The following NAV1 variants were observed in gnomAD, a reference collection of about 807,000 sequenced individuals.
The protein encoded by NAV1 is neuron navigator 1.
In NAV1, 18 loss-of-function variants were observed where a neutral mutation model predicts 175.2. That is an observed-to-expected ratio of 0.10 (90% confidence interval 0.07 to 0.15). The LOEUF is 0.15. NAV1 is among the 10% of genes least tolerant of loss of function. The probability of loss-of-function intolerance (pLI) is 1.00; values close to 1 mark genes in which losing one functional copy is unlikely to be tolerated. For synonymous variants in NAV1, 897 were observed against 978.7 expected, an observed-to-expected ratio of 0.92 and a Z score of 1.56; for missense variants, 1,731 against 2,436.6, an observed-to-expected ratio of 0.71 and a Z score of 6.10.
upstream of NAV1, among the ~76,000 whole-genome samples, chr1:201,643,904 T>C (rs1277280122): frequency 6.6e-6 from 1 of 152,248 alleles, no homozygotes; most frequent in African/African-American, 2.4e-5. Flanking sequence ...AGCATGCGTC[T>C]CCTTGGCTGT....
chr1:201,746,501 A>T (rs933604495), intron 3 of NAV1, among the ~76,000 whole-genome samples: 2 of 152,238 alleles, frequency 1.3e-5, no homozygotes, highest in Non-Finnish European at 2.9e-5. Flanking sequence ...ACATAACAAA[A>T]GACAACCTAT....
intron 14 of NAV1, chr1:201,794,233 A>G: frequency 1.6e-6 from 1 of 631,504 alleles, no homozygotes; most frequent in South Asian, 1.5e-5. Context: ...CTAACTGCAA[A>G]CTCTGCCTCC....
At chr1:201,550,347 TA>T (rs1427108177) in intron 1 of NAV1, among the ~76,000 whole-genome samples, 2 of 151,996 alleles carry the variant, frequency 1.3e-5, no homozygotes, top group Non-Finnish European at 2.9e-5. Context: ...AATTTTTGTA[TA>T]TTTTGTAGAG....
chr1:201,783,257 T>G, intron 6 of NAV1, 149 bp from the exon 11 acceptor site: 1 of 849,912 alleles, frequency 1.2e-6, no homozygotes, highest in Non-Finnish European at 1.8e-6. Flanking sequence ...TCAGATTTCC[T>G]TGCATTGTAT....
chr1:201,572,723 C>T (rs1469797596), intron 1 of NAV1, among the ~76,000 whole-genome samples: 1 of 152,112 alleles, frequency 6.6e-6, no homozygotes, highest in Non-Finnish European at 1.5e-5. Flanking sequence ...ATAGGAATGA[C>T]TGTCTTATAC....
Position 201,782,634 on chromosome 1 carries a change from G to A in NAV1, c.2122G>A (p.Gly708Arg). 3 of 1,614,136 alleles carry A rather than the reference G, an allele frequency of 1.9e-6. No homozygotes were observed. The highest frequency in any genetic ancestry group is 1.1e-5 in the South Asian group (1 of 91,082). The stretch of plus-strand genomic sequence containing the variant: ...CCCCAGTCTCCTCAGCACCAAGCAG[G>A]GAGGCCTTACGCCTTCCAGACTGAA... The change falls in exon 6 of 30, where the codon GGA becomes AGA. Residue 708 changes from glycine (G) to arginine (R), a missense_variant. Coordinates refer to ENST00000367296, the Ensembl canonical transcript of NAV1. This position sits in a 1 kb window ranked among gnomAD's most constrained non-coding sequence, Gnocchi z 5.4.
At chr1:201,567,056 C>A (rs1339138967) in intron 1 of NAV1, among the ~76,000 whole-genome samples, 1 of 152,016 alleles carries the variant, frequency 6.6e-6, no homozygotes, top group Non-Finnish European at 1.5e-5. Context: ...TGTCCCCTCC[C>A]ACCCCCCATC....
At chr1:201,741,573 C>T (rs1673426027) in intron 3 of NAV1, among the ~76,000 whole-genome samples, 1 of 152,210 alleles carries the variant, frequency 6.6e-6, no homozygotes, top group Admixed American at 6.5e-5. Flanking sequence ...GAGCCTACTT[C>T]AGATCCACAT....
At chr1:201,814,111 T>C (rs1419047104) in intron 28 of NAV1, among the ~76,000 whole-genome samples, 2 of 151,810 alleles carry the variant, frequency 1.3e-5, no homozygotes, top group Non-Finnish European at 2.9e-5. Context: ...CTGGGCCTGG[T>C]AGCTCTCGCC....
At chr1:201,785,489 C>A in intron 8 of NAV1, 138 bp downstream of exon 12, 2 of 870,610 alleles carry the variant, frequency 2.3e-6, no homozygotes, top group Non-Finnish European at 3.7e-6. Flanking sequence ...TGGTCCCATA[C>A]AAGTACCACC....
At chr1:201,546,545 T>G (rs986467099) in intron 1 of NAV1, among the ~76,000 whole-genome samples, 3 of 152,176 alleles carry the variant, frequency 2.0e-5, no homozygotes, top group African/African-American at 7.2e-5. Context: ...ATTCACTGAT[T>G]GTTGACATTT....
At chr1:201,646,317 G>T (rs559276684), upstream of NAV1, among the ~76,000 whole-genome samples, 1 of 152,280 alleles carries the variant, frequency 6.6e-6, no homozygotes, top group South Asian at 2.1e-4. Flanking sequence ...ATTGCAGATG[G>T]TACAGAATCC....
At chr1:201,585,752 C>G (rs1182958584) in intron 1 of NAV1, among the ~76,000 whole-genome samples, 1 of 151,850 alleles carries the variant, frequency 6.6e-6, no homozygotes, top group Non-Finnish European at 1.5e-5. Flanking sequence ...AAATCAAAAC[C>G]AAAAGGAGAT....
chr1:201,696,782 G>C lies in NAV1; in HGVS notation c.758-16035G>C, dbSNP rs145832857. On this transcript the variant is annotated intron_variant, in intron 1 of 29. Coordinates refer to ENST00000367296, the Ensembl canonical transcript of NAV1. ...GATTCAGATCCCTACCCTACAAGCC[G>C]TGTGACCTTAGGAAGTTAACTGACC... 4.1e-3 allele frequency among the ~76,000 whole-genome samples: 629 copies of C among 152,284 alleles called. 7 individuals carry two copies. Among genetic ancestry groups the C allele is most frequent in the African/African-American group, 0.014 (570 of 41,546 alleles).
chr1:201,807,849 TC>T lies in NAV1; in HGVS notation c.3649-99del. The T allele has an allele frequency of 9.0e-7, 1 of 1,113,534 alleles. No homozygotes were observed. Among genetic ancestry groups the T allele is most frequent in the Non-Finnish European group, 1.3e-6 (1 of 754,308 alleles). The allele number at this position is 1,113,534 out of a possible 1,614,324, so 69.0% of individuals were successfully genotyped here. ...TAGAGGGTGGCTTAATTAAAGTAAA[TC>T]CCCCGCCTCCAGCTCTCTCTGTCTC... On this transcript the variant is annotated intron_variant, in intron 17 of 29. Transcript: ENST00000367296. This position sits in a 1 kb window ranked among gnomAD's most constrained non-coding sequence, Gnocchi z 5.4.
chr1:201,565,259 C>T (rs925091794), intron 1 of NAV1, among the ~76,000 whole-genome samples: 1 of 152,240 alleles, frequency 6.6e-6, no homozygotes, highest in African/African-American at 2.4e-5. Flanking sequence ...CTACTGCTAT[C>T]ATCATTACTA....
chr1:201,760,340 C>G (rs921108246), intron 3 of NAV1, among the ~76,000 whole-genome samples: 1 of 148,506 alleles, frequency 6.7e-6, no homozygotes, highest in African/African-American at 2.6e-5. Context: ...ATAACCCGTT[C>G]TCAAAATAAA....
In NAV1 at chr1:201,539,549, TG is replaced by T. The variant is rs1206282501; in HGVS notation, c.-144+208del. 6.6e-6 allele frequency among the ~76,000 whole-genome samples: 1 copy of T among 151,918 alleles called. No homozygotes were observed. The highest frequency in any genetic ancestry group is 1.5e-5 in the Non-Finnish European group (1 of 67,952). ...AGATGCTCGCGGCTTCCCGGGAAGG[TG>T]TGTGCCCTTTCGACCCCTATGGGAC... On this transcript the variant is annotated intron_variant, in intron 1 of 33. Coordinates refer to the NAV1 transcript ENST00000685211. This position sits in a 1 kb window ranked among gnomAD's most constrained non-coding sequence, Gnocchi z 5.6.
intron 1 of NAV1, among the ~76,000 whole-genome samples, chr1:201,542,966 T>G (rs1357390578): frequency 1.3e-5 from 2 of 152,376 alleles, no homozygotes; most frequent in Non-Finnish European, 2.9e-5. Flanking sequence ...GATTTTTGTG[T>G]GTTGATCTTG....
Sources: allele counts gnomAD v4.1 joint callset (sites outside exome capture counted in the v4.1 genomes callset), GRCh38; gene constraint gnomAD v4.1.1; non-coding constraint Gnocchi (gnomAD v3.1); transcripts MANE v1.5; gene names NCBI Gene and HGNC (gene_info 2026-07-23, HGNC 2026-07-21).